CTNNA2: variants seen among roughly 807,000 people sequenced by gnomAD.
CTNNA2 encodes the protein catenin alpha-2.
Under a neutral mutation model 101.0 loss-of-function variants are expected in CTNNA2, and 42 were observed. The observed-to-expected ratio is 0.42, with a 90% CI of 0.32 to 0.54. The LOEUF is 0.54. CTNNA2 is among the 20% of genes least tolerant of loss of function. The pLI is 0.14. For synonymous variants in CTNNA2, 450 were observed against 456.4 expected (o/e 0.99, Z 0.18); for missense variants, 871 against 1,223.1 (o/e 0.71, Z 4.29).
At position 79,711,022 on chromosome 2, in the gene CTNNA2, C is replaced by T. The variant is rs141454372; in HGVS notation, c.103-33365C>T. On this transcript the variant is annotated intron_variant, in intron 2 of 18. Coordinates refer to ENST00000402739, the MANE Select transcript of CTNNA2 (RefSeq NM_001282597.3). ...GAAATGTTGGATTATTCATAAAATG[C>T]GCTCATTTTCTCCTTTTTGTTTTAA... Among the ~76,000 whole-genome samples the T allele has an allele frequency of 3.8e-3, 583 of 152,204 alleles. 6 individuals carry two copies. The highest frequency in any genetic ancestry group is 0.031 in the Admixed American group (477 of 15,272).
chr2:79,929,587 A>C (rs1687250037), intron 7 of CTNNA2, among the ~76,000 whole-genome samples: 1 of 152,220 alleles, frequency 6.6e-6, no homozygotes, highest in African/African-American at 2.4e-5. Flanking sequence ...CATGAGGCTG[A>C]ACTTTAAGGT....
At chr2:79,509,894 G>T (rs888837375), upstream of CTNNA2, among the ~76,000 whole-genome samples, 2 of 152,290 alleles carry the variant, frequency 1.3e-5, no homozygotes, top group South Asian at 4.1e-4. Context: ...CAATTTTTCT[G>T]TGAACCTAAA....
chr2:79,441,251 C>G (rs891039590), intron 4 of CTNNA2, among the ~76,000 whole-genome samples: 37 of 152,314 alleles, frequency 2.4e-4, no homozygotes, highest in African/African-American at 8.4e-4. Context: ...TCAACTATAA[C>G]TTATGTACCA....
chr2:80,599,717 A>C (rs566160639), intron 15 of CTNNA2, among the ~76,000 whole-genome samples: 160 of 152,252 alleles, frequency 1.1e-3, no homozygotes, highest in African/African-American at 3.8e-3. Context: ...AGATGATTCA[A>C]ATAATTTTCT....
chr2:80,116,418 A>G (rs1045309651), intron 7 of CTNNA2, among the ~76,000 whole-genome samples: 35 of 151,988 alleles, frequency 2.3e-4, no homozygotes, highest in African/African-American at 8.2e-4. Context: ...AGATTTTAGA[A>G]TTTAGAAAGA....
chr2:79,982,174 GACCAC>G (rs1449480365), intron 7 of CTNNA2, among the ~76,000 whole-genome samples: 2 of 120,752 alleles, frequency 1.7e-5, no homozygotes, highest in African/African-American at 6.3e-5. Flanking sequence ...GAGTACCTGA[GACCAC>G]AGGCATGTGC....
rs1673803179 is a variant in CTNNA2 at position 79,774,284 on chromosome 2, G to A, written c.298+29702G>A. ...AGCTGATCTTAACCCCCTGCTGACA[G>A]CAGTGCTAATTGCTAAATGGGAATG... On this transcript the variant is annotated intron_variant, in intron 3 of 18. Transcript: ENST00000402739. Among the ~76,000 whole-genome samples, 3 of 152,162 alleles carry A rather than the reference G, an allele frequency of 2.0e-5. No individual in the cohort carries two copies. The South Asian group carries it at 6.2e-4, about 32-fold the overall frequency.
chr2:80,098,359 CT>C (rs1165063902), intron 7 of CTNNA2, among the ~76,000 whole-genome samples: 1 of 152,188 alleles, frequency 6.6e-6, no homozygotes, highest in Non-Finnish European at 1.5e-5. Flanking sequence ...CTGATCGTTC[CT>C]CTGGAAGTTT....
At chr2:79,658,031 A>G (rs1471359293) in intron 2 of CTNNA2, among the ~76,000 whole-genome samples, 2 of 151,958 alleles carry the variant, frequency 1.3e-5, no homozygotes, top group African/African-American at 2.4e-5. Flanking sequence ...TAAATATACA[A>G]AAAATAATTT....
intron 9 of CTNNA2, among the ~76,000 whole-genome samples, chr2:80,428,064 A>G (rs1681153969): frequency 1.3e-5 from 2 of 152,218 alleles, no homozygotes; most frequent in South Asian, 2.1e-4. Flanking sequence ...TGACTATTAA[A>G]TGGAGATGTG....
At chr2:80,601,659 C>A (rs1336237108) in intron 15 of CTNNA2, 2 of 151,114 alleles carry the variant, frequency 1.3e-5, no homozygotes, top group Non-Finnish European at 3.0e-5. Flanking sequence ...GGATATTTTT[C>A]TCCTATTATT....
chr2:79,319,587 C>T (rs1676571606), intron 3 of CTNNA2: 1 of 151,494 alleles, frequency 6.6e-6, no homozygotes, highest in South Asian at 2.1e-4. Flanking sequence ...GACTGAGCTG[C>T]CTTTATATAT....
chr2:80,148,701 A>T (rs1303991169), intron 7 of CTNNA2, among the ~76,000 whole-genome samples: 1 of 152,220 alleles, frequency 6.6e-6, no homozygotes, highest in African/African-American at 2.4e-5. Context: ...AACGTATGCC[A>T]TATAGAGTGT....
At chr2:80,643,442 G>C (rs1026676209) in intron 18 of CTNNA2, among the ~76,000 whole-genome samples, 2 of 152,128 alleles carry the variant, frequency 1.3e-5, no homozygotes, top group African/African-American at 4.8e-5. Context: ...AACAGCACAT[G>C]GTCTAATTTG....
At chr2:79,244,687 T>G (rs992775282) in intron 2 of CTNNA2, among the ~76,000 whole-genome samples, 3 of 152,252 alleles carry the variant, frequency 2.0e-5, no homozygotes, top group South Asian at 2.1e-4. Context: ...CTGACTTTGT[T>G]CACTGCTGTC....
chr2:79,856,974 A>G (rs1377036170), intron 3 of CTNNA2, among the ~76,000 whole-genome samples: 2 of 152,152 alleles, frequency 1.3e-5, no homozygotes, highest in African/African-American at 4.8e-5. Flanking sequence ...ATAAAAATCT[A>G]TTATTGTAAC....
chr2:80,018,039 T>G (rs1694275794), intron 7 of CTNNA2, among the ~76,000 whole-genome samples: 1 of 152,212 alleles, frequency 6.6e-6, no homozygotes. Context: ...TGTTAGTGTT[T>G]AGGAAAGCAT....
intron 11 of CTNNA2, among the ~76,000 whole-genome samples, chr2:80,553,236 A>T (rs199576520): frequency 0.21 from 3,218 of 15,126 alleles, 104 homozygotes; most frequent in East Asian, 0.5. Context: ...AAAAAAAAAT[A>T]AAATAAAATA....
At chr2:80,620,905 A>G (rs1671052326) in intron 18 of CTNNA2, among the ~76,000 whole-genome samples, 1 of 151,976 alleles carries the variant, frequency 6.6e-6, no homozygotes. Context: ...CAGAGAGTCT[A>G]TCATGGAATG....
Sources: allele counts gnomAD v4.1 joint callset (sites outside exome capture counted in the v4.1 genomes callset), GRCh38; gene constraint gnomAD v4.1.1; transcripts MANE v1.5; gene names NCBI Gene and HGNC (gene_info 2026-07-23, HGNC 2026-07-21).